AAR2: variants seen among roughly 807,000 people sequenced by gnomAD.
AAR2 encodes protein AAR2 homolog.
In AAR2, 31 loss-of-function variants were observed where a neutral mutation model predicts 26.9. The observed-to-expected ratio is 1.15, with a 90% CI of 0.86 to 1.55. The LOEUF is 1.55. Ranked by LOEUF, AAR2 falls within the 40% of genes most tolerant of loss-of-function variation. The pLI is 0.00. For missense variants in AAR2, 430 were observed against 491.3 expected, an observed-to-expected ratio of 0.88 and a Z score of 1.18; for synonymous variants, 188 against 196.1, an observed-to-expected ratio of 0.96 and a Z score of 0.34.
At chr20:36,238,755 C>CAAAA (rs59138282) in intron 1 of AAR2, among the ~76,000 whole-genome samples, 1 of 62,762 alleles carries the variant, frequency 1.6e-5, no homozygotes, top group African/African-American at 6.1e-5. Flanking sequence ...GACCCTGTCT[C>CAAAA]AAAAAAAAAA....
chr20:36,246,084 G>A (rs981018905), intron 3 of AAR2, among the ~76,000 whole-genome samples: 2 of 152,150 alleles, frequency 1.3e-5, no homozygotes, highest in African/African-American at 4.8e-5. Flanking sequence ...TTACAAATGG[G>A]AACACTTGAG....
At chr20:36,250,381 T>A (rs192818881) in intron 3 of AAR2, among the ~76,000 whole-genome samples, 2 of 152,376 alleles carry the variant, frequency 1.3e-5, no homozygotes, top group East Asian at 3.9e-4. Context: ...AGGTGATTTA[T>A]GTCCCAGTGA....
At chr20:36,242,228 T>C (rs1286624537) in intron 2 of AAR2, among the ~76,000 whole-genome samples, 3 of 149,660 alleles carry the variant, frequency 2.0e-5, no homozygotes, top group African/African-American at 7.4e-5. Flanking sequence ...CATGTCTTAC[T>C]GCCACCTCAA....
chr20:36,246,767 T>C (rs538854584), intron 3 of AAR2, among the ~76,000 whole-genome samples: 3 of 152,328 alleles, frequency 2.0e-5, no homozygotes, highest in Admixed American at 6.5e-5. Context: ...CCCAGGTGGG[T>C]TGTGCAAAGC....
rs749356105 is a variant in AAR2, at chr20:36,240,488, G to T, written c.620G>T (p.Arg207Leu). ...AAGCCCAGAGCCGGGACAGAGATCC[G>T]CTTCTCAGAGCTGCCCACGCAGATG... ...EMKPRAGTEIRFSELPTQMFP... is the reference protein window; with the variant it reads ...EMKPRAGTEILFSELPTQMFP... Residue 207 changes from arginine to leucine, a missense_variant, in exon 2 of 4, where the codon CGC (arginine) becomes CTC (leucine). Physicochemically the swap from Arg to Leu is moderately radical, Grantham distance 102 (BLOSUM62 -2). Coordinates refer to ENST00000320849, the MANE Select transcript of AAR2 (RefSeq NM_001271874.2). The T allele has an allele frequency of 1.2e-6, 2 of 1,613,980 alleles. No homozygotes were observed. The highest frequency in any genetic ancestry group is 1.7e-6 in the Non-Finnish European group (2 of 1,180,054).
rs113331497 is a variant in AAR2, at chr20:36,247,899, T to TAA, written c.987+2981_987+2982dup. Among the ~76,000 whole-genome samples, 125 of 151,292 alleles carry TAA rather than the reference T, an allele frequency of 8.3e-4. 3 individuals carry two copies. The highest frequency in any genetic ancestry group is 2.9e-3 in the African/African-American group (119 of 41,248). ...AAAAATAATAAAAATAAAATTGTGG[T>TAA]AAAAAAAAACACAATTTAACATATA... On this transcript the variant is annotated intron_variant, in intron 3 of 3. Transcript: ENST00000320849.
chr20:36,254,080 C>T (rs1218147220), intron 3 of AAR2, among the ~76,000 whole-genome samples: 2 of 152,126 alleles, frequency 1.3e-5, no homozygotes, highest in Non-Finnish European at 2.9e-5. Flanking sequence ...TCCAACAGCT[C>T]CACTCCTGGG....
intron 1 of AAR2, among the ~76,000 whole-genome samples, chr20:36,237,817 C>T (rs1489663319): frequency 1.3e-5 from 2 of 149,910 alleles, no homozygotes. Context: ...GGAATTCGCT[C>T]AGACCCCCAG....
At chr20:36,240,737 G>A (rs2064672616) in intron 2 of AAR2, 112 bp downstream of exon 2, 1 of 1,378,842 alleles carries the variant, frequency 7.3e-7, no homozygotes, top group Non-Finnish European at 9.7e-7. Flanking sequence ...AACCTGGCTA[G>A]GAGGCTGAAG....
At chr20:36,244,334 A>G (rs1290103826) in intron 2 of AAR2, among the ~76,000 whole-genome samples, 2 of 151,978 alleles carry the variant, frequency 1.3e-5, no homozygotes, top group African/African-American at 2.4e-5. Context: ...CTTTTAACAG[A>G]CTCTCAGTGA....
Position 36,240,372 on chromosome 20 carries a change from G to A in AAR2, c.504G>A (p.Lys168=). The change falls in exon 2 of 4, where the codon AAG becomes AAA. Residue 168 remains lysine, a synonymous_variant. Transcript: ENST00000320849. The part of the protein sequence containing the change: ...FSDVLPVLSM[K]HTKDRVGQNL... ...ATGTGCTACCTGTGCTCTCCATGAA[G>A]CACACCAAGGACCGCGTGGGGCAGA... 1 of 1,614,230 alleles carries A rather than the reference G, an allele frequency of 6.2e-7. No individual in the cohort carries two copies.
Position 36,239,882 on chromosome 20 carries a change from A to G in AAR2, c.14A>G (p.Gln5Arg), listed in dbSNP as rs776305579. 34 of 1,592,420 alleles carry G rather than the reference A, an allele frequency of 2.1e-5. No individual in the cohort carries two copies. Among genetic ancestry groups the G allele is most frequent in the Non-Finnish European group, 2.9e-5 (34 of 1,164,044 alleles). Reference protein sequence around the residue: MAAVQMDPELAKRLF... With the variant: MAAVRMDPELAKRLF... ...ACCACTGGCCCCATGGCTGCCGTGC[A>G]GATGGATCCTGAGCTAGCCAAGCGC... The change falls in exon 2 of 4, where the codon CAG becomes CGG. Residue 5 changes from glutamine to arginine, a missense_variant. By Grantham distance (43) the Gln-to-Arg change is conservative. Coordinates refer to ENST00000320849, the MANE Select transcript of AAR2 (RefSeq NM_001271874.2).
chr20:36,240,760 C>T lies in AAR2; in HGVS notation c.757+135C>T, dbSNP rs372329758. The T allele has an allele frequency of 4.1e-4, 491 of 1,210,838 alleles. 4 individuals carry two copies. The highest frequency in any genetic ancestry group is 2.0e-3 in the Middle Eastern group (7 of 3,460). 75.0% of individuals were successfully genotyped at this position (1,210,838 alleles called of 1,614,324 possible). Reference sequence around the variant, plus strand: ...TAGGAGGCTGAAGATACAGGTGTGTCTTTACCCTTAGCCCTGGAGATTTCG... The same window carrying T: ...TAGGAGGCTGAAGATACAGGTGTGTTTTTACCCTTAGCCCTGGAGATTTCG... On this transcript the variant is annotated intron_variant, in intron 2 of 3. Coordinates refer to ENST00000320849, the MANE Select transcript of AAR2 (RefSeq NM_001271874.2).
chr20:36,252,278 C>A (rs2064785941), intron 3 of AAR2, among the ~76,000 whole-genome samples: 1 of 152,166 alleles, frequency 6.6e-6, no homozygotes, highest in Admixed American at 6.5e-5. Flanking sequence ...AAAAGTGAAC[C>A]CCAAATTGAG....
In AAR2 at chr20:36,240,355, C is replaced by G; in HGVS notation, c.487C>G (p.Pro163Ala). 1 of 1,614,222 alleles carries G rather than the reference C, an allele frequency of 6.2e-7. No individual in the cohort carries two copies. Among genetic ancestry groups the G allele is most frequent in the Non-Finnish European group, 8.5e-7 (1 of 1,180,052 alleles). ...RQICAFSDVLPVLSMKHTKDR... is the reference protein window; with the variant it reads ...RQICAFSDVLAVLSMKHTKDR... ...GATCTGTGCCTTTTCCGATGTGCTA[C>G]CTGTGCTCTCCATGAAGCACACCAA... Residue 163 changes from proline to alanine, a missense_variant, in exon 2 of 4, where the codon CCT becomes GCT. Pro to Ala is a conservative substitution (Grantham distance 27). Coordinates refer to ENST00000320849, the MANE Select transcript of AAR2 (RefSeq NM_001271874.2).
chr20:36,256,162 G>C lies in AAR2; in HGVS notation c.*417G>C, dbSNP rs1386836536. 6.3e-6 allele frequency: 1 copy of C among 158,772 alleles called. No homozygotes were observed. The highest frequency in any genetic ancestry group is 2.4e-5 in the African/African-American group (1 of 41,654). The allele number at this position is 158,772 out of a possible 1,614,324, so 9.8% of individuals were successfully genotyped here. ...CTGGATTGCCCAGGGGGTCTGAGAA[G>C]TTGGTTGGTGACTTTTTTTGCGGTT... On this transcript the variant is annotated 3_prime_UTR_variant, in exon 4 of 4. Transcript: ENST00000320849.
Position 36,256,386 on chromosome 20 carries a change from G to C in AAR2, c.*641G>C, listed in dbSNP as rs956812482. On this transcript the variant is annotated 3_prime_UTR_variant, in exon 4 of 4. Transcript: ENST00000320849. Reference sequence around the variant, plus strand: ...CATTCTCCTGTCCAGAGGCCCAGTGGGTCATCTCCCAAGGTGGGTGTGGAC... The same window carrying C: ...CATTCTCCTGTCCAGAGGCCCAGTGCGTCATCTCCCAAGGTGGGTGTGGAC... 2.0e-5 allele frequency: 3 copies of C among 152,240 alleles called. No individual in the cohort carries two copies. The highest frequency in any genetic ancestry group is 1.5e-5 in the Non-Finnish European group (1 of 68,116). 9.4% of individuals were successfully genotyped at this position (152,240 alleles called of 1,614,324 possible). A position where few individuals can be genotyped will look rare whatever the true frequency, so the allele number is the denominator to read the frequency against.
At chr20:36,240,747 G>T in intron 2 of AAR2, 122 bp downstream of exon 2, 1 of 1,311,196 alleles carries the variant, frequency 7.6e-7, no homozygotes, top group African/African-American at 1.5e-5. Context: ...GGAGGCTGAA[G>T]ATACAGGTGT....
chr20:36,239,877 C>T lies in AAR2; in HGVS notation c.9C>T (p.Ala3=), dbSNP rs768243727. Residue 3 remains alanine, a synonymous_variant, in exon 2 of 4, where the codon GCC becomes GCT. Coordinates refer to ENST00000320849, the MANE Select transcript of AAR2 (RefSeq NM_001271874.2). ...CACCCACCACTGGCCCCATGGCTGC[C>T]GTGCAGATGGATCCTGAGCTAGCCA... MA[A]VQMDPELAKR... is the part of the protein sequence containing the mutation. 16 of 1,581,052 alleles carry T rather than the reference C, an allele frequency of 1.0e-5. No individual in the cohort carries two copies. The highest frequency in any genetic ancestry group is 6.8e-5 in the South Asian group (6 of 88,432).
Sources: allele counts gnomAD v4.1 joint callset (sites outside exome capture counted in the v4.1 genomes callset), GRCh38; gene constraint gnomAD v4.1.1; transcripts MANE v1.5; gene names NCBI Gene and HGNC (gene_info 2026-07-23, HGNC 2026-07-21).